Variants in MARCHF1 observed in about 807,000 individuals in gnomAD.
MARCHF1 encodes the protein E3 ubiquitin-protein ligase MARCHF1.
Under a neutral mutation model 54.2 loss-of-function variants are expected in MARCHF1, and 40 were observed. That is an observed-to-expected ratio of 0.74 (90% confidence interval 0.57 to 0.96). The LOEUF (loss-of-function observed/expected upper bound fraction) is 0.96, where lower values mean the gene tolerates loss of function less well. Among genes scored for constraint, MARCHF1 ranks in the 40% least tolerant of loss-of-function variants. The probability of loss-of-function intolerance (pLI) is 0.00; values close to 1 mark genes in which losing one functional copy is unlikely to be tolerated. For missense variants in MARCHF1, 586 were observed against 656.5 expected (o/e 0.89, Z 1.17); for synonymous variants, 236 against 236.3 (o/e 1.00, Z 0.01).
At chr4:163,646,922 C>A (rs949908677) in intron 5 of MARCHF1, among the ~76,000 whole-genome samples, 2 of 152,012 alleles carry the variant, frequency 1.3e-5, no homozygotes, top group South Asian at 2.1e-4. Context: ...TCAATAATTA[C>A]CTTGAATGTA....
intron 5 of MARCHF1, among the ~76,000 whole-genome samples, chr4:163,692,415 A>G (rs1214677652): frequency 2.0e-5 from 3 of 152,196 alleles, no homozygotes; most frequent in Non-Finnish European, 4.4e-5. Flanking sequence ...AACCAATCTT[A>G]GTGCTGTGTG....
At chr4:163,994,457 A>G (rs1222034971) in intron 2 of MARCHF1, among the ~76,000 whole-genome samples, 1 of 151,964 alleles carries the variant, frequency 6.6e-6, no homozygotes, top group African/African-American at 2.4e-5. Flanking sequence ...ATGAGGAGAT[A>G]TACCTAATGC....
At chr4:164,150,763 A>G (rs1205771217) in intron 1 of MARCHF1, among the ~76,000 whole-genome samples, 1 of 152,246 alleles carries the variant, frequency 6.6e-6, no homozygotes, top group Non-Finnish European at 1.5e-5. Flanking sequence ...AAGAAAATAT[A>G]TCTGTAGACA....
At chr4:164,084,978 T>G (rs1755167160) in intron 2 of MARCHF1, among the ~76,000 whole-genome samples, 1 of 151,796 alleles carries the variant, frequency 6.6e-6, no homozygotes, top group Non-Finnish European at 1.5e-5. Context: ...AATTTGCTTT[T>G]TAAGCCCACA....
intron 4 of MARCHF1, among the ~76,000 whole-genome samples, chr4:163,790,543 A>G (rs1027166374): frequency 1.3e-5 from 2 of 152,160 alleles, no homozygotes. Flanking sequence ...ACCTGAAGCC[A>G]CCTGCATTTC....
At chr4:163,789,681 T>A (rs115308321) in intron 4 of MARCHF1, among the ~76,000 whole-genome samples, 1,531 of 152,102 alleles carry the variant, frequency 0.01, 16 homozygotes, top group African/African-American at 0.031. Context: ...TTTTGATACA[T>A]GCCTATGAAA....
At chr4:163,817,332 CATAT>C (rs973144310) in intron 4 of MARCHF1, among the ~76,000 whole-genome samples, 1 of 151,666 alleles carries the variant, frequency 6.6e-6, no homozygotes, top group African/African-American at 2.4e-5. Context: ...TACACATATA[CATAT>C]ATATGTACAT....
At chr4:164,114,672 G>T (rs1755904627) in intron 1 of MARCHF1, among the ~76,000 whole-genome samples, 1 of 151,092 alleles carries the variant, frequency 6.6e-6, no homozygotes, top group African/African-American at 2.4e-5. Flanking sequence ...ATAATCAGAA[G>T]ATAACTATTG....
intron 4 of MARCHF1, among the ~76,000 whole-genome samples, chr4:163,808,170 C>T (rs1170636623): frequency 6.6e-6 from 1 of 152,198 alleles, no homozygotes; most frequent in Non-Finnish European, 1.5e-5. Context: ...TGCAACAAAA[C>T]CCCCAGCTAA....
chr4:164,218,831 C>T (rs1379469095), intron 1 of MARCHF1, among the ~76,000 whole-genome samples: 11 of 148,532 alleles, frequency 7.4e-5, no homozygotes, highest in Non-Finnish European at 1.3e-4. Context: ...CACATGTACC[C>T]GAAAACTTAA....
chr4:163,573,342 AG>A (rs1421389761), intron 8 of MARCHF1, among the ~76,000 whole-genome samples: 7 of 148,726 alleles, frequency 4.7e-5, no homozygotes, highest in Non-Finnish European at 1.0e-4. Context: ...TTTAAGTTTT[AG>A]GGTACATGTG....
chr4:163,818,613 TG>T (rs143460027), intron 4 of MARCHF1, among the ~76,000 whole-genome samples: 9 of 152,234 alleles, frequency 5.9e-5, no homozygotes, highest in African/African-American at 1.9e-4. Flanking sequence ...GCCTTTTATC[TG>T]TCCCTCATTT....
Position 164,264,616 on chromosome 4 carries a change from T to C in MARCHF1, c.-323+119254A>G, listed in dbSNP as rs559553152. Among the ~76,000 whole-genome samples the C allele has an allele frequency of 1.2e-4, 18 of 152,204 alleles. No homozygotes were observed. The East Asian group carries it at 3.3e-3, about 28-fold the overall frequency. ...CATTGGGAGTTAGTAAAAGTCCACA[T>C]TGAGATATGAGACCCACCACTGGCT... On this transcript the variant is annotated intron_variant, in intron 1 of 9. Transcript: ENST00000514618.
chr4:163,751,057 T>C (rs1746504929), intron 4 of MARCHF1, among the ~76,000 whole-genome samples: 1 of 152,164 alleles, frequency 6.6e-6, no homozygotes, highest in Non-Finnish European at 1.5e-5. Flanking sequence ...CATATTTATC[T>C]CATACTTAAT....
intron 1 of MARCHF1, among the ~76,000 whole-genome samples, chr4:164,335,314 G>T (rs112011538): frequency 6.6e-6 from 1 of 152,178 alleles, no homozygotes; most frequent in African/African-American, 2.4e-5. Context: ...TCAGCCCGGT[G>T]GCTCACGCCT....
intron 1 of MARCHF1, chr4:164,135,506 AAGG>A (rs1344418045): frequency 6.6e-6 from 1 of 152,190 alleles, no homozygotes; most frequent in African/African-American, 2.4e-5. Context: ...TGGCAACAAG[AAGG>A]AGAAGAAGAA....
chr4:163,793,347 A>C (rs1189934871), intron 4 of MARCHF1, among the ~76,000 whole-genome samples: 2 of 152,182 alleles, frequency 1.3e-5, no homozygotes, highest in Non-Finnish European at 2.9e-5. Flanking sequence ...CTTCTTGGGA[A>C]CTGGATCTAG....
intron 5 of MARCHF1, among the ~76,000 whole-genome samples, chr4:163,624,572 A>G (rs1741805463): frequency 6.6e-6 from 1 of 152,230 alleles, no homozygotes; most frequent in East Asian, 1.9e-4. Flanking sequence ...AACTCAGACT[A>G]ATCCTCAGAC....
intron 1 of MARCHF1, among the ~76,000 whole-genome samples, chr4:164,268,137 A>G (rs1039268113): frequency 9.2e-5 from 14 of 152,322 alleles, no homozygotes; most frequent in Middle Eastern, 3.4e-3. Flanking sequence ...TTCAAATTTG[A>G]AAAGACTTTA....
Sources: gnomAD v4.1 joint callset for allele counts (sites outside exome capture counted in the v4.1 genomes callset) on GRCh38, gnomAD v4.1.1 for gene constraint, MANE v1.5 for transcripts, NCBI Gene and HGNC (gene_info 2026-07-23, HGNC 2026-07-21) for gene names.